NSF: variants seen among roughly 807,000 people sequenced by gnomAD.
NSF encodes the protein vesicle-fusing ATPase.
Under a neutral mutation model 50.3 loss-of-function variants are expected in NSF, and 14 were observed. That is an observed-to-expected ratio of 0.28 (90% confidence interval 0.18 to 0.44). The LOEUF is 0.44. Among genes scored for constraint, NSF ranks in the 20% least tolerant of loss-of-function variants. NSF has a pLI of 1.00. For synonymous variants in NSF, 109 were observed against 175.7 expected (o/e 0.62, Z 3.00); for missense variants, 218 against 504.3 (o/e 0.43, Z 5.44).
chr17:46,638,780 T>G (rs2058207278), intron 5 of NSF, among the ~76,000 whole-genome samples: 1 of 111,756 alleles, frequency 8.9e-6, no homozygotes, highest in Non-Finnish European at 1.7e-5. Context: ...AGTGCTGGGA[T>G]TACAGGTGTG....
At chr17:46,707,339 G>C (rs1199028641) in intron 13 of NSF, among the ~76,000 whole-genome samples, 1 of 152,046 alleles carries the variant, frequency 6.6e-6, no homozygotes, top group Non-Finnish European at 1.5e-5. Context: ...ATTGATACAA[G>C]TTCTTTATAT....
At chr17:46,610,188 A>C (rs1443041052) in intron 1 of NSF, among the ~76,000 whole-genome samples, 2 of 81,464 alleles carry the variant, frequency 2.5e-5, no homozygotes, top group East Asian at 2.7e-4. Flanking sequence ...CTGGTCTTGA[A>C]CTCCTGGCCT....
chr17:46,630,959 G>A (rs1191210322), intron 4 of NSF, among the ~76,000 whole-genome samples: 6 of 136,890 alleles, frequency 4.4e-5, no homozygotes, highest in Non-Finnish European at 8.9e-5. Flanking sequence ...AAAATAATAC[G>A]AAGAATTTCT....
chr17:46,717,739 C>T (rs927322084), intron 15 of NSF, among the ~76,000 whole-genome samples: 13 of 152,038 alleles, frequency 8.6e-5, no homozygotes, highest in Admixed American at 3.3e-4. Flanking sequence ...ATGTGTCGTT[C>T]GGGGAGTGGG....
intron 17 of NSF, among the ~76,000 whole-genome samples, chr17:46,741,009 C>G (rs1021450941): frequency 2.0e-5 from 3 of 152,266 alleles, no homozygotes; most frequent in Non-Finnish European, 2.9e-5. Flanking sequence ...AGAGATCAGC[C>G]ATTGCTGATA....
intron 9 of NSF, among the ~76,000 whole-genome samples, chr17:46,684,849 A>G (rs2058482074): frequency 8.6e-6 from 1 of 116,700 alleles, no homozygotes; most frequent in Non-Finnish European, 1.8e-5. Flanking sequence ...TCTTATTTTA[A>G]TCCTTTTTAA....
At chr17:46,597,726 G>GT (rs920643803) in intron 1 of NSF, among the ~76,000 whole-genome samples, 4 of 101,824 alleles carry the variant, frequency 3.9e-5, no homozygotes, top group East Asian at 3.0e-4. Context: ...TTTGTTGAGA[G>GT]TTTTTTTAAT....
At chr17:46,709,821 A>G (rs779776420) in intron 13 of NSF, among the ~76,000 whole-genome samples, 1 of 152,134 alleles carries the variant, frequency 6.6e-6, no homozygotes, top group Non-Finnish European at 1.5e-5. Context: ...ACAGCCATTT[A>G]GCCAGTTTGG....
At position 46,755,973 on chromosome 17, in the gene NSF, A is replaced by T; in HGVS notation, c.*150A>T. ...CGCTCTGCATGATTAGTGCAATAAA[A>T]CTCCCTTCCTTATGCATACTGAGAT... On this transcript the variant is annotated 3_prime_UTR_variant, in exon 21 of 21. Coordinates refer to ENST00000398238, the MANE Select transcript of NSF (RefSeq NM_006178.4). 4.4e-6 allele frequency: 3 copies of T among 687,930 alleles called. No homozygotes were observed. Among genetic ancestry groups the T allele is most frequent in the Non-Finnish European group, 7.1e-6 (3 of 423,326 alleles). 42.6% of individuals were successfully genotyped at this position (687,930 alleles called of 1,614,324 possible).
chr17:46,746,983 A>G (rs2059136118), intron 17 of NSF, among the ~76,000 whole-genome samples: 2 of 152,244 alleles, frequency 1.3e-5, no homozygotes, highest in Non-Finnish European at 1.5e-5. Flanking sequence ...TATGCTGGCA[A>G]CGAGGCTTTA....
At chr17:46,712,179 A>T (rs1598704546) in intron 14 of NSF, among the ~76,000 whole-genome samples, 1 of 152,174 alleles carries the variant, frequency 6.6e-6, no homozygotes, top group Non-Finnish European at 1.5e-5. Context: ...AGTAGTGTAG[A>T]TGGAGATAAG....
chr17:46,601,659 T>TTA (rs2057911379), intron 1 of NSF, among the ~76,000 whole-genome samples: 1 of 147,864 alleles, frequency 6.8e-6, no homozygotes, highest in Admixed American at 6.7e-5. Flanking sequence ...TATCTCTGTA[T>TTA]TATATCCAGT....
At chr17:46,690,607 G>A (rs1216408585) in intron 9 of NSF, among the ~76,000 whole-genome samples, 4 of 59,088 alleles carry the variant, frequency 6.8e-5, no homozygotes, top group Non-Finnish European at 1.2e-4. Context: ...GTGAGACTCC[G>A]TCTCAAAAAA....
At chr17:46,736,685 C>T (rs965656892) in intron 17 of NSF, among the ~76,000 whole-genome samples, 1 of 152,088 alleles carries the variant, frequency 6.6e-6, no homozygotes, top group Non-Finnish European at 1.5e-5. Context: ...TCCTTAATTC[C>T]ATTGCTTTGG....
chr17:46,699,402 G>GACACAC (rs4061825), intron 12 of NSF, among the ~76,000 whole-genome samples: 13,351 of 145,308 alleles, frequency 0.092, no homozygotes, highest in Non-Finnish European at 0.14. Context: ...ATAAACTGAG[G>GACACAC]ACACACACAC....
At chr17:46,709,924 AC>A (rs1449032395) in intron 13 of NSF, among the ~76,000 whole-genome samples, 1 of 152,218 alleles carries the variant, frequency 6.6e-6, no homozygotes, top group Non-Finnish European at 1.5e-5. Flanking sequence ...GAATCAAAGG[AC>A]CAGTATATGC....
chr17:46,687,447 TATC>T (rs1377130666), intron 9 of NSF, among the ~76,000 whole-genome samples: 1 of 150,628 alleles, frequency 6.6e-6, no homozygotes, highest in Non-Finnish European at 1.5e-5. Context: ...GCAGCTTCCT[TATC>T]ATACTACAGG....
In NSF at chr17:46,757,384, G is replaced by C. The variant is rs748359657; in HGVS notation, c.*1561G>C. The C allele has an allele frequency of 8.5e-5, 13 of 152,634 alleles. No individual in the cohort carries two copies. Among genetic ancestry groups the C allele is most frequent in the Non-Finnish European group, 1.5e-4 (10 of 68,018 alleles). 9.5% of individuals were successfully genotyped at this position (152,634 alleles called of 1,614,324 possible). ...CTTGTTAAATGAGCTTAATGTCTTTGTGTTTTGTCCAAAACTGTATTGAAA... is the reference window on the plus strand; with the variant it reads ...CTTGTTAAATGAGCTTAATGTCTTTCTGTTTTGTCCAAAACTGTATTGAAA... On this transcript the variant is annotated 3_prime_UTR_variant, in exon 21 of 21. Coordinates refer to ENST00000398238, the MANE Select transcript of NSF (RefSeq NM_006178.4).
chr17:46,712,233 C>T (rs1028026538), intron 14 of NSF, among the ~76,000 whole-genome samples: 3 of 152,118 alleles, frequency 2.0e-5, no homozygotes, highest in Non-Finnish European at 4.4e-5. Flanking sequence ...AAAATGACCT[C>T]ATTATTATTG....
Sources: allele counts gnomAD v4.1 joint callset (sites outside exome capture counted in the v4.1 genomes callset), GRCh38; gene constraint gnomAD v4.1.1; transcripts MANE v1.5; gene names NCBI Gene and HGNC (gene_info 2026-07-23, HGNC 2026-07-21).